ZNF385B: variants seen among roughly 807,000 people sequenced by gnomAD.
The protein encoded by ZNF385B is zinc finger protein 533.
In ZNF385B, 23 loss-of-function variants were observed where a neutral mutation model predicts 39.2. The ratio of observed to expected loss-of-function variants is 0.59; its 90% CI spans 0.42 to 0.83. The LOEUF (loss-of-function observed/expected upper bound fraction) is 0.83. ZNF385B is among the 40% of genes least tolerant of loss of function. ZNF385B has a pLI of 0.00. For missense variants in ZNF385B, 552 were observed against 598.9 expected, an observed-to-expected ratio of 0.92 and a Z score of 0.82; for synonymous variants, 205 against 222.6, an observed-to-expected ratio of 0.92 and a Z score of 0.70.
intron 3 of ZNF385B, among the ~76,000 whole-genome samples, chr2:179,727,731 A>G (rs1362009292): frequency 4.6e-5 from 7 of 152,126 alleles, no homozygotes; most frequent in African/African-American, 1.4e-4. Context: ...ATGGAAAAAC[A>G]ACATGTCACA....
At chr2:179,763,922 G>T (rs1313848312) in intron 3 of ZNF385B, among the ~76,000 whole-genome samples, 4 of 151,984 alleles carry the variant, frequency 2.6e-5, no homozygotes, top group Non-Finnish European at 5.9e-5. Context: ...TAGGCACTTG[G>T]AAAAAATAGT....
At chr2:179,447,978 CT>C (rs60384026) in intron 6 of ZNF385B, among the ~76,000 whole-genome samples, 83,525 of 145,492 alleles carry the variant, frequency 0.57, 24,043 homozygotes, top group African/African-American at 0.71. Flanking sequence ...GATTTCCATC[CT>C]TTTTTTTTTT....
intron 4 of ZNF385B, among the ~76,000 whole-genome samples, chr2:179,533,789 T>C (rs2105869059): frequency 6.6e-6 from 1 of 152,278 alleles, no homozygotes. Flanking sequence ...GATTAATGAA[T>C]AACATGGGAA....
intron 1 of ZNF385B, among the ~76,000 whole-genome samples, chr2:179,860,314 G>T (rs1684938770): frequency 6.6e-6 from 1 of 152,120 alleles, no homozygotes; most frequent in South Asian, 2.1e-4. Flanking sequence ...TTCCCCTGAA[G>T]AACAGCACTC....
chr2:179,792,165 C>T (rs1705368409), intron 1 of ZNF385B, among the ~76,000 whole-genome samples: 1 of 152,066 alleles, frequency 6.6e-6, no homozygotes, highest in Non-Finnish European at 1.5e-5. Context: ...TTTCTTTCAC[C>T]TTCATCCCAG....
intron 3 of ZNF385B, among the ~76,000 whole-genome samples, chr2:179,574,810 G>A (rs7592221): frequency 0.1 from 15,584 of 152,058 alleles, 915 homozygotes; most frequent in Middle Eastern, 0.19. Flanking sequence ...GGGATGTTAG[G>A]GGGGAAGGGC....
intron 1 of ZNF385B, among the ~76,000 whole-genome samples, chr2:179,805,039 G>C (rs1706264736): frequency 6.6e-6 from 1 of 152,152 alleles, no homozygotes; most frequent in African/African-American, 2.4e-5. Flanking sequence ...TGTTGAATCT[G>C]GCCTTGGGAC....
intron 3 of ZNF385B, among the ~76,000 whole-genome samples, chr2:179,631,081 G>T (rs940505177): frequency 6.6e-6 from 1 of 152,216 alleles, no homozygotes; most frequent in Non-Finnish European, 1.5e-5. Context: ...ATGGAACCAA[G>T]TTGGAAAACA....
At chr2:179,844,315 C>T (rs1708691090) in intron 1 of ZNF385B, among the ~76,000 whole-genome samples, 1 of 152,142 alleles carries the variant, frequency 6.6e-6, no homozygotes, top group East Asian at 1.9e-4. Context: ...GTATGGTTCT[C>T]ACAATAAAGG....
rs950048625 is a variant in ZNF385B at position 179,712,991 on chromosome 2, C to A, written c.298+56512G>T. ...CGTGAGGCTGGGCAACAGCAGTGAG[C>A]CACAGCATCCAGTCAACCACGTGAT... On this transcript the variant is annotated intron_variant, in intron 3 of 9. Transcript: ENST00000410066. Among the ~76,000 whole-genome samples, 4 of 152,120 alleles carry A rather than the reference C, an allele frequency of 2.6e-5. No individual in the cohort carries two copies. The South Asian group carries it at 8.3e-4, about 32-fold the overall frequency.
chr2:179,855,511 T>A (rs1684522365), intron 1 of ZNF385B, among the ~76,000 whole-genome samples: 1 of 152,242 alleles, frequency 6.6e-6, no homozygotes, highest in South Asian at 2.1e-4. Context: ...ATCTCTGCTA[T>A]TTATGAGATC....
intron 3 of ZNF385B, among the ~76,000 whole-genome samples, chr2:179,755,155 G>C (rs961012034): frequency 6.6e-6 from 1 of 152,164 alleles, no homozygotes; most frequent in African/African-American, 2.4e-5. Context: ...TGGTTTCAAA[G>C]AACATCTTTA....
In ZNF385B at chr2:179,486,011, A is replaced by G. The variant is rs7605464; in HGVS notation, c.553-2577T>C. Among the ~76,000 whole-genome samples the G allele has an allele frequency of 9.5e-3, 1,444 of 152,174 alleles. 18 individuals are homozygous for G. The highest frequency in any genetic ancestry group is 0.033 in the African/African-American group (1,349 of 41,452). On this transcript the variant is annotated intron_variant, in intron 5 of 9. Coordinates refer to ENST00000410066, the MANE Select transcript of ZNF385B (RefSeq NM_152520.6). Reference sequence around the variant, plus strand: ...GGACTTCTCATGTTGTTCTCTGTCAAGTTGGAAAAAAAAATAATCACGTGG... The same window carrying G: ...GGACTTCTCATGTTGTTCTCTGTCAGGTTGGAAAAAAAAATAATCACGTGG...
intron 5 of ZNF385B, among the ~76,000 whole-genome samples, chr2:179,517,319 T>C (rs1168941886): frequency 1.3e-5 from 2 of 151,950 alleles, no homozygotes; most frequent in South Asian, 2.1e-4. Context: ...GCTGGATCTA[T>C]AGATCAATTG....
In ZNF385B at chr2:179,631,905, T is replaced by C. The variant is rs1691260794; in HGVS notation, c.299-86936A>G. 2.0e-5 allele frequency among the ~76,000 whole-genome samples: 3 copies of C among 151,624 alleles called. No homozygotes were observed. In the South Asian group the frequency reaches 6.2e-4, roughly 31 times the overall value. On this transcript the variant is annotated intron_variant, in intron 3 of 9. Coordinates refer to ENST00000410066, the MANE Select transcript of ZNF385B (RefSeq NM_152520.6). The stretch of plus-strand genomic sequence containing the variant: ...CAGTGGTTGCAATCCTAGTATCTGA[T>C]AAAACAGACTTTAAACCAACAAAGA...
chr2:179,655,721 T>C (rs1693686136), intron 3 of ZNF385B, among the ~76,000 whole-genome samples: 1 of 152,170 alleles, frequency 6.6e-6, no homozygotes, highest in African/African-American at 2.4e-5. Flanking sequence ...AGAAATACTA[T>C]TTCCTTTCAA....
intron 1 of ZNF385B, among the ~76,000 whole-genome samples, chr2:179,823,008 GT>G (rs1188165650): frequency 6.6e-6 from 1 of 152,154 alleles, no homozygotes; most frequent in Non-Finnish European, 1.5e-5. Flanking sequence ...CTAAAGATGG[GT>G]TCTCTTCTTT....
chr2:179,456,739 A>C (rs1307459848), intron 6 of ZNF385B, among the ~76,000 whole-genome samples: 1 of 152,160 alleles, frequency 6.6e-6, no homozygotes, highest in East Asian at 1.9e-4. Context: ...TATATCTTAC[A>C]ATAATGGTAA....
At chr2:179,462,900 G>T (rs2051504212) in intron 6 of ZNF385B, among the ~76,000 whole-genome samples, 1 of 152,032 alleles carries the variant, frequency 6.6e-6, no homozygotes, top group Non-Finnish European at 1.5e-5. Flanking sequence ...CTATTTAAAA[G>T]ATGTGTGTGT....
Sources: allele counts gnomAD v4.1 joint callset (sites outside exome capture counted in the v4.1 genomes callset), GRCh38; gene constraint gnomAD v4.1.1; transcripts MANE v1.5; gene names NCBI Gene and HGNC (gene_info 2026-07-23, HGNC 2026-07-21).